The following IGFBP5 variants were observed in gnomAD, a reference collection of about 807,000 sequenced individuals.
IGFBP5 encodes insulin-like growth factor-binding protein 5.
Under a neutral mutation model 28.0 loss-of-function variants are expected in IGFBP5, and 12 were observed. That is an observed-to-expected ratio of 0.43 (90% confidence interval 0.27 to 0.69). The LOEUF (loss-of-function observed/expected upper bound fraction) is 0.69, where lower values mean the gene tolerates loss of function less well. IGFBP5 is among the 30% of genes least tolerant of loss of function. IGFBP5 has a pLI of 0.20. For missense variants in IGFBP5, 344 were observed against 381.6 expected (o/e 0.90, Z 0.82); for synonymous variants, 152 against 150.2 (o/e 1.01, Z -0.09).
chr2:216,686,748 C>G (rs893974673), intron 1 of IGFBP5, among the ~76,000 whole-genome samples: 5 of 146,352 alleles, frequency 3.4e-5, no homozygotes, highest in Admixed American at 2.8e-4. Flanking sequence ...CTCACTGCAA[C>G]CCTCTCCTCC....
At chr2:216,678,608 C>T in intron 2 of IGFBP5, 1 of 572,262 alleles carries the variant, frequency 1.7e-6, no homozygotes, top group Non-Finnish European at 3.1e-6. Context: ...TACGTGGCCG[C>T]TGGGCTGGCA....
Position 216,678,257 on chromosome 2 carries a change from G to A in IGFBP5, c.568-26C>T, listed in dbSNP as rs11575198. On this transcript the variant is annotated intron_variant, in intron 2 of 3. Coordinates refer to ENST00000233813, the MANE Select transcript of IGFBP5 (RefSeq NM_000599.4). ...CTGTGTGGACAGGAGGGTGAGAGGC[G>A]TGGCGAGACCAAGGGAAAACCACCC... is the stretch of plus-strand genomic sequence containing the variant. The A allele has an allele frequency of 2.6e-4, 388 of 1,500,922 alleles. No homozygotes were observed. In the African/African-American group the frequency reaches 3.9e-3, roughly 15 times the overall value. 93.0% of individuals were successfully genotyped at this position (1,500,922 alleles called of 1,614,324 possible). A position where few individuals can be genotyped will look rare whatever the true frequency, so the allele number is the denominator to read the frequency against.
intron 1 of IGFBP5, among the ~76,000 whole-genome samples, chr2:216,687,335 A>G (rs1468943269): frequency 6.6e-6 from 1 of 152,088 alleles, no homozygotes; most frequent in African/African-American, 2.4e-5. Context: ...CCCTGAAGAT[A>G]TATAGAGAAA....
At chr2:216,681,202 A>C (rs7565131) in intron 1 of IGFBP5, among the ~76,000 whole-genome samples, 25,175 of 152,096 alleles carry the variant, frequency 0.17, 3,788 homozygotes, top group African/African-American at 0.4. Context: ...GCTTTTGGGC[A>C]CGTCTTATGG....
chr2:216,678,782 T>C (rs992548447), intron 2 of IGFBP5, 68 bp downstream of exon 2: 6 of 1,320,556 alleles, frequency 4.5e-6, no homozygotes, highest in Admixed American at 2.0e-5. Flanking sequence ...CCTGCCGCCA[T>C]GAATGTCCAT....
At chr2:216,686,936 G>T (rs1689040380) in intron 1 of IGFBP5, among the ~76,000 whole-genome samples, 1 of 152,056 alleles carries the variant, frequency 6.6e-6, no homozygotes, top group South Asian at 2.1e-4. Flanking sequence ...GTTATGGGGA[G>T]GATGGCAATG....
rs532289483 is a variant in IGFBP5 at position 216,693,356 on chromosome 2, C to T, written c.337+1083G>A. On this transcript the variant is annotated intron_variant, in intron 1 of 3. Transcript: ENST00000233813. ...AGTGCGTGGCTTTTCTGTCTCCGCC[C>T]CCTGAATTTTGCATTCTGCGTTTCC... Among the ~76,000 whole-genome samples the T allele has an allele frequency of 1.8e-4, 28 of 151,606 alleles. No individual in the cohort carries two copies. In the East Asian group the frequency reaches 5.5e-3, roughly 30 times the overall value.
Position 216,679,083 on chromosome 2 carries a change from C to T in IGFBP5, c.338-4G>A, listed in dbSNP as rs1559186360. 6.2e-7 allele frequency: 1 copy of T among 1,613,530 alleles called. No homozygotes were observed. Among genetic ancestry groups the T allele is most frequent in the East Asian group, 2.2e-5 (1 of 44,862 alleles). On this transcript the variant is annotated splice_polypyrimidine_tract_variant and splice_region_variant and intron_variant, in intron 1 of 3. Coordinates refer to ENST00000233813, the MANE Select transcript of IGFBP5 (RefSeq NM_000599.4). The surrounding 1 kb of genome is among the most constrained non-coding windows in gnomAD (Gnocchi z 4.6). ...TCGTGCTCACGGGAGTCTCTCTCTG[C>T]AGGAGAAGGAGCCGGAGGGTCAGCC...
intron 1 of IGFBP5, among the ~76,000 whole-genome samples, chr2:216,686,260 T>A (rs889237913): frequency 5.3e-5 from 8 of 152,206 alleles, no homozygotes; most frequent in Non-Finnish European, 1.0e-4. Context: ...AGACACCATG[T>A]AGTATAGTGG....
chr2:216,675,042 T>C lies in IGFBP5; in HGVS notation c.*1709A>G, dbSNP rs753974375. The C allele has an allele frequency of 3.9e-5, 6 of 152,156 alleles. No individual in the cohort carries two copies. Among genetic ancestry groups the C allele is most frequent in the Non-Finnish European group, 7.3e-5 (5 of 68,032 alleles). 9.4% of individuals were successfully genotyped at this position (152,156 alleles called of 1,614,324 possible). A position where few individuals can be genotyped will look rare whatever the true frequency, so the allele number is the denominator to read the frequency against. Reference sequence around the variant, plus strand: ...ACCCATTCCCCCATTTTCCTCTCTTTCCTCTCAAATCCTAGAAAATACATA... The same window carrying C: ...ACCCATTCCCCCATTTTCCTCTCTTCCCTCTCAAATCCTAGAAAATACATA... On this transcript the variant is annotated 3_prime_UTR_variant, in exon 4 of 4. Transcript: ENST00000233813.
chr2:216,678,011 G>A, intron 3 of IGFBP5, 101 bp downstream of exon 3: 3 of 1,145,868 alleles, frequency 2.6e-6, no homozygotes, highest in Non-Finnish European at 2.3e-6. Flanking sequence ...AACACTAAGT[G>A]GTTAACGGTG....
chr2:216,694,397 C>T lies in IGFBP5; in HGVS notation c.337+42G>A. ...GGCCCAGCCGGTCTCGTGTCCCCCG[C>T]CCGTGCGCCGCGTAACTGACTGGCA... On this transcript the variant is annotated intron_variant, in intron 1 of 3. Transcript: ENST00000233813. The surrounding 1 kb of genome is among the most constrained non-coding windows in gnomAD (Gnocchi z 5.2). 7.0e-7 allele frequency: 1 copy of T among 1,435,216 alleles called. No individual in the cohort carries two copies. The allele number at this position is 1,435,216 out of a possible 1,614,324, so 88.9% of individuals were successfully genotyped here.
intron 3 of IGFBP5, among the ~76,000 whole-genome samples, chr2:216,677,306 A>G (rs11575203): frequency 7.9e-5 from 12 of 152,276 alleles, no homozygotes; most frequent in Admixed American, 7.8e-4. Flanking sequence ...GATTCTCAAG[A>G]GAGTTATGAT....
chr2:216,678,651 C>G (rs1413135320), intron 2 of IGFBP5, 199 bp downstream of exon 2: 6 of 600,312 alleles, frequency 1.0e-5, no homozygotes, highest in Non-Finnish European at 1.5e-5. Flanking sequence ...CGCCTCTATT[C>G]CCACTTACTT....
In IGFBP5 at chr2:216,695,155, G is replaced by A. The variant is rs1490270053; in HGVS notation, c.-380C>T. 1 of 180,302 alleles carries A rather than the reference G, an allele frequency of 5.5e-6. No individual in the cohort carries two copies. Among genetic ancestry groups the A allele is most frequent in the Non-Finnish European group, 1.1e-5 (1 of 87,204 alleles). 11.2% of individuals were successfully genotyped at this position (180,302 alleles called of 1,614,324 possible). On this transcript the variant is annotated 5_prime_UTR_variant, in exon 1 of 4. Transcript: ENST00000233813. ...CGAAATAATGAGATCGGATGCAGTG[G>A]AGATGGCGTTGGGGGTGGGAGAGAA...
At chr2:216,693,661 C>T (rs891756693) in intron 1 of IGFBP5, among the ~76,000 whole-genome samples, 2 of 152,084 alleles carry the variant, frequency 1.3e-5, no homozygotes, top group African/African-American at 4.8e-5. Flanking sequence ...AATACCAAAC[C>T]CTTCCTTTCT....
At chr2:216,678,076 G>A in intron 3 of IGFBP5, 36 bp downstream of exon 3, 2 of 1,383,870 alleles carry the variant, frequency 1.4e-6, no homozygotes, top group Admixed American at 2.8e-5. Flanking sequence ...CATTTTTGGA[G>A]CAGTCTGAGC....
In IGFBP5 at chr2:216,676,469, C is replaced by T. The variant is rs1210238192; in HGVS notation, c.*282G>A. ...ACACTTCCTTCCCTTCTCTTCCTCT[C>T]GTTCTTCCTCTCTTCCCTTCTCTGT... On this transcript the variant is annotated 3_prime_UTR_variant, in exon 4 of 4. Coordinates refer to ENST00000233813, the MANE Select transcript of IGFBP5 (RefSeq NM_000599.4). 4 of 237,702 alleles carry T rather than the reference C, an allele frequency of 1.7e-5. No homozygotes were observed. The highest frequency in any genetic ancestry group is 3.3e-5 in the Non-Finnish European group (4 of 121,378). The allele number at this position is 237,702 out of a possible 1,614,324, so 14.7% of individuals were successfully genotyped here.
At chr2:216,686,540 C>T (rs1279707523) in intron 1 of IGFBP5, among the ~76,000 whole-genome samples, 2 of 152,004 alleles carry the variant, frequency 1.3e-5, no homozygotes, top group Admixed American at 6.5e-5. Flanking sequence ...TGGCTTGAAC[C>T]CAGGAGTTGG....
Sources: gnomAD v4.1 joint callset for allele counts (sites outside exome capture counted in the v4.1 genomes callset) on GRCh38, gnomAD v4.1.1 for gene constraint, Gnocchi (gnomAD v3.1) non-coding constraint, MANE v1.5 for transcripts, NCBI Gene and HGNC (gene_info 2026-07-23, HGNC 2026-07-21) for gene names.